WDR20: variants seen among roughly 807,000 people sequenced by gnomAD.
WDR20 encodes WD repeat-containing protein 20.
In WDR20, 3 loss-of-function variants were observed where a neutral mutation model predicts 38.7. The ratio of observed to expected loss-of-function variants is 0.08; its 90% CI spans 0.04 to 0.20. The LOEUF is 0.20. Among genes scored for constraint, WDR20 ranks in the 10% least tolerant of loss-of-function variants. WDR20 has a pLI of 1.00. For synonymous variants in WDR20, 298 were observed against 285.6 expected (o/e 1.04, Z -0.44); for missense variants, 559 against 727.7 (o/e 0.77, Z 2.67).
At position 102,208,725 on chromosome 14, in the gene WDR20, C is replaced by T. The variant is rs1187268907; in HGVS notation, c.555C>T (p.Thr185=). The change falls in exon 3 of 3, where the codon ACC becomes ACT. Residue 185 remains threonine (T), a synonymous_variant. Coordinates refer to ENST00000342702, the MANE Select transcript of WDR20 (RefSeq NM_144574.4). This position sits in a 1 kb window ranked among gnomAD's most constrained non-coding sequence, Gnocchi z 5.6. ...ATAATGTGGAGCACACTTGTGGCAC[C>T]ACAGCCCCCCACTACCAGCTTCTGA... ...YLYNVEHTCG[T]TAPHYQLLKQ... is the part of the protein sequence containing the mutation. 1 of 1,614,222 alleles carries T rather than the reference C, an allele frequency of 6.2e-7. No individual in the cohort carries two copies. The highest frequency in any genetic ancestry group is 8.5e-7 in the Non-Finnish European group (1 of 1,180,046).
chr14:102,197,852 G>A (rs1363503673), intron 2 of WDR20: 2 of 699,864 alleles, frequency 2.9e-6, no homozygotes, highest in Non-Finnish European at 2.6e-6. Context: ...GTCCAGGTGA[G>A]AGCTGAGGGC....
chr14:102,164,836 T>C (rs2059441215), intron 1 of WDR20, among the ~76,000 whole-genome samples: 1 of 152,262 alleles, frequency 6.6e-6, no homozygotes, highest in Non-Finnish European at 1.5e-5. Context: ...AAGTTTCTGC[T>C]ATATCAGAAG....
chr14:102,183,020 C>T (rs982674690), intron 1 of WDR20, among the ~76,000 whole-genome samples: 5 of 151,788 alleles, frequency 3.3e-5, no homozygotes, highest in African/African-American at 9.7e-5. Context: ...GCCGAGATTG[C>T]GCTACTGCAC....
downstream of WDR20, chr14:102,213,184 C>T: frequency 1.0e-6 from 1 of 985,574 alleles, no homozygotes; most frequent in Non-Finnish European, 1.2e-6. Flanking sequence ...GGCTTCTAAA[C>T]ACTACTGGTG....
chr14:102,214,226 C>T (rs2062926588), downstream of WDR20: 1 of 985,384 alleles, frequency 1.0e-6, no homozygotes. Context: ...GTCTACCACC[C>T]TGGCAGCAGC....
At position 102,160,706 on chromosome 14, in the gene WDR20, G is replaced by A. The variant is rs571972642; in HGVS notation, c.249+20534G>A. Among the ~76,000 whole-genome samples the A allele has an allele frequency of 3.5e-4, 53 of 151,994 alleles. 1 individual carries two copies. Among genetic ancestry groups the A allele is most frequent in the Non-Finnish European group, 6.8e-4 (46 of 68,008 alleles). ...GCCCATAATCCCAGCACTTTGGGAG[G>A]CTGAGGCAGGTGGATCACAAGGTCA... On this transcript the variant is annotated intron_variant, in intron 1 of 2. Coordinates refer to ENST00000342702, the MANE Select transcript of WDR20 (RefSeq NM_144574.4).
At chr14:102,223,313 A>G (rs2064117145) in exon 4 of WDR20, 1 of 152,648 alleles carries the variant, frequency 6.6e-6, no homozygotes, top group Admixed American at 6.5e-5. Context: ...CCTTGAATGC[A>G]CTCATAGAGA....
chr14:102,193,124 GT>G (rs1259186420), intron 1 of WDR20, among the ~76,000 whole-genome samples: 8 of 145,784 alleles, frequency 5.5e-5, no homozygotes, highest in South Asian at 2.2e-4. Flanking sequence ...ATATTTGTAG[GT>G]TTTTTTTTTG....
chr14:102,196,115 T>G (rs2059366531), intron 2 of WDR20, among the ~76,000 whole-genome samples: 1 of 152,242 alleles, frequency 6.6e-6, no homozygotes, highest in African/African-American at 2.4e-5. Context: ...AAATGGCAGT[T>G]AAAATTTGGA....
Position 102,222,984 on chromosome 14 carries a change from C to CAGGCGGTGGACGT in WDR20, c.*102_*114dup. 3.4e-6 allele frequency: 5 copies of CAGGCGGTGGACGT among 1,466,298 alleles called. No individual in the cohort carries two copies. Among genetic ancestry groups the CAGGCGGTGGACGT allele is most frequent in the Non-Finnish European group, 4.7e-6 (5 of 1,053,368 alleles). 90.8% of individuals were successfully genotyped at this position (1,466,298 alleles called of 1,614,324 possible). A position where few individuals can be genotyped will look rare whatever the true frequency, so the allele number is the denominator to read the frequency against. On this transcript the variant is annotated 3_prime_UTR_variant, in exon 4 of 4. Transcript: ENST00000335263. The surrounding 1 kb of genome is among the most constrained non-coding windows in gnomAD (Gnocchi z 4.4). ...CTGAGCCGTGCCAGCCGGCGGACCT[C>CAGGCGGTGGACGT]AGGCGGTGGACGTCGGCGATAGCCG...
Position 102,222,658 on chromosome 14 carries a change from C to T in WDR20, c.1693-172C>T, listed in dbSNP as rs1457252032. On this transcript the variant is annotated intron_variant, in intron 3 of 3. Transcript: ENST00000335263. This position sits in a 1 kb window ranked among gnomAD's most constrained non-coding sequence, Gnocchi z 4.4. ...GGGTTCCAATTCTCTAGGAATGGAA[C>T]GCAGTGATCTGGATAGGAATTAAAT... Among the ~76,000 whole-genome samples, 4 of 152,186 alleles carry T rather than the reference C, an allele frequency of 2.6e-5. No homozygotes were observed. The highest frequency in any genetic ancestry group is 2.9e-5 in the Non-Finnish European group (2 of 68,036).
chr14:102,191,015 A>AT (rs2066242407), intron 1 of WDR20, among the ~76,000 whole-genome samples: 1 of 151,630 alleles, frequency 6.6e-6, no homozygotes. Flanking sequence ...AAAAAAAAAA[A>AT]GAAAAAAATT....
At chr14:102,144,725 A>G (rs751115169) in intron 1 of WDR20, among the ~76,000 whole-genome samples, 1 of 150,400 alleles carries the variant, frequency 6.6e-6, no homozygotes, top group African/African-American at 2.5e-5. Flanking sequence ...TGTTTTTGAG[A>G]CAGAATCTTG....
chr14:102,199,457 A>T (rs539071672), intron 2 of WDR20, among the ~76,000 whole-genome samples: 4 of 152,160 alleles, frequency 2.6e-5, no homozygotes, highest in African/African-American at 9.6e-5. Flanking sequence ...AATACAAATA[A>T]TTAATTTTTT....
chr14:102,180,804 C>G (rs577016147), intron 1 of WDR20, among the ~76,000 whole-genome samples: 1 of 152,308 alleles, frequency 6.6e-6, no homozygotes, highest in East Asian at 1.9e-4. Flanking sequence ...ATGTGAGGGG[C>G]TGGCCTGCAT....
downstream of WDR20, chr14:102,212,441 C>T: frequency 2.7e-6 from 4 of 1,483,858 alleles, no homozygotes; most frequent in Non-Finnish European, 3.6e-6. Flanking sequence ...TGGCTCAGCC[C>T]AGGCTGGCCC....
At chr14:102,146,945 CT>C (rs967705347) in intron 1 of WDR20, among the ~76,000 whole-genome samples, 1 of 152,158 alleles carries the variant, frequency 6.6e-6, no homozygotes, top group African/African-American at 2.4e-5. Flanking sequence ...ACTTGTGTTT[CT>C]TTTCCATTAA....
At chr14:102,177,581 G>A (rs1405968642) in intron 1 of WDR20, among the ~76,000 whole-genome samples, 1 of 152,124 alleles carries the variant, frequency 6.6e-6, no homozygotes, top group Non-Finnish European at 1.5e-5. Context: ...ATTGCAAGTC[G>A]ACTCACAAGG....
chr14:102,185,209 C>A (rs867314040), intron 1 of WDR20, among the ~76,000 whole-genome samples: 3 of 152,150 alleles, frequency 2.0e-5, no homozygotes, highest in Non-Finnish European at 4.4e-5. Flanking sequence ...TGATAAGTAG[C>A]AAGTCCTTAT....
Sources: allele counts gnomAD v4.1 joint callset (sites outside exome capture counted in the v4.1 genomes callset), GRCh38; gene constraint gnomAD v4.1.1; non-coding constraint Gnocchi (gnomAD v3.1); transcripts MANE v1.5; gene names NCBI Gene and HGNC (gene_info 2026-07-23, HGNC 2026-07-21).